The following ERBB4 variants were observed in gnomAD, a reference collection of about 807,000 sequenced individuals.
The protein encoded by ERBB4 is receptor tyrosine-protein kinase erbB-4.
Under a neutral mutation model 158.0 loss-of-function variants are expected in ERBB4, and 42 were observed. The ratio of observed to expected loss-of-function variants is 0.27; its 90% CI spans 0.21 to 0.34. ERBB4 has a LOEUF of 0.34. Among genes scored for constraint, ERBB4 ranks in the 10% least tolerant of loss-of-function variants. The pLI is 1.00. For synonymous variants in ERBB4, 583 were observed against 558.7 expected, an observed-to-expected ratio of 1.04 and a Z score of -0.61; for missense variants, 1,333 against 1,624.1, an observed-to-expected ratio of 0.82 and a Z score of 3.08.
chr2:211,414,136 G>A (rs983135061), intron 25 of ERBB4, among the ~76,000 whole-genome samples: 6 of 152,096 alleles, frequency 3.9e-5, no homozygotes, highest in African/African-American at 1.4e-4. Flanking sequence ...GCCTTTGTCT[G>A]CCTCCTACCT....
intron 1 of ERBB4, among the ~76,000 whole-genome samples, chr2:212,143,034 A>G (rs1216893683): frequency 1.3e-5 from 2 of 152,122 alleles, no homozygotes; most frequent in East Asian, 3.8e-4. Flanking sequence ...TGTCATATGT[A>G]TACAGAAGCT....
At chr2:212,398,752 G>T (rs1013881735) in intron 1 of ERBB4, among the ~76,000 whole-genome samples, 8 of 151,958 alleles carry the variant, frequency 5.3e-5, no homozygotes, top group African/African-American at 1.9e-4. Flanking sequence ...AATAATTCAT[G>T]AAAGCATTTA....
At chr2:211,741,793 T>C (rs1176166664) in intron 5 of ERBB4, among the ~76,000 whole-genome samples, 4 of 152,184 alleles carry the variant, frequency 2.6e-5, no homozygotes, top group South Asian at 2.1e-4. Context: ...ACATCTCCTG[T>C]AGTTAAAATG....
intron 1 of ERBB4, among the ~76,000 whole-genome samples, chr2:212,230,075 A>T (rs1176560510): frequency 6.6e-6 from 1 of 152,220 alleles, no homozygotes; most frequent in Non-Finnish European, 1.5e-5. Context: ...ACCTGAGGCC[A>T]GGAGTTCAAG....
intron 2 of ERBB4, among the ~76,000 whole-genome samples, chr2:211,988,697 T>C (rs2081997941): frequency 1.3e-5 from 2 of 152,054 alleles, no homozygotes; most frequent in Admixed American, 1.3e-4. Flanking sequence ...CAAAAGACTA[T>C]GCTCTTCTCT....
chr2:212,362,858 T>G (rs2089741827), intron 1 of ERBB4, among the ~76,000 whole-genome samples: 1 of 151,476 alleles, frequency 6.6e-6, no homozygotes, highest in East Asian at 1.9e-4. Flanking sequence ...GTTTTAATTA[T>G]AAAACAATTG....
intron 5 of ERBB4, among the ~76,000 whole-genome samples, chr2:211,732,414 C>T (rs547561277): frequency 6.6e-6 from 1 of 151,990 alleles, no homozygotes; most frequent in Admixed American, 6.6e-5. Flanking sequence ...ATCTGGGCTT[C>T]TAAATGACCA....
chr2:212,027,600 A>G, intron 2 of ERBB4, among the ~76,000 whole-genome samples: 1 of 152,088 alleles, frequency 6.6e-6, no homozygotes, highest in East Asian at 1.9e-4. Flanking sequence ...TGATATCTTT[A>G]TTCTTACTCC....
chr2:211,878,626 T>C (rs906913031), intron 3 of ERBB4, among the ~76,000 whole-genome samples: 2 of 147,124 alleles, frequency 1.4e-5, no homozygotes, highest in African/African-American at 5.0e-5. Flanking sequence ...TTATCCACTT[T>C]AGGAAAAAAA....
chr2:211,722,561 T>G lies in ERBB4; in HGVS notation c.742-27A>C, dbSNP rs369356760. ...TGCAACACAGCAAATATTACTTTCATTTACAAATAAACTCATAATACTTGT... is the reference window on the plus strand; with the variant it reads ...TGCAACACAGCAAATATTACTTTCAGTTACAAATAAACTCATAATACTTGT... On this transcript the variant is annotated intron_variant, in intron 6 of 27. Coordinates refer to ENST00000342788, the MANE Select transcript of ERBB4 (RefSeq NM_005235.3). The G allele has an allele frequency of 3.7e-5, 59 of 1,611,956 alleles. No individual in the cohort carries two copies. In the African/African-American group the frequency reaches 7.5e-4, roughly 20 times the overall value.
chr2:212,204,896 A>G (rs12992382), intron 1 of ERBB4, among the ~76,000 whole-genome samples: 79,726 of 144,450 alleles, frequency 0.55, 23,407 homozygotes, highest in African/African-American at 0.75. Context: ...TCGGCTCACC[A>G]CAACCTCTGC....
At chr2:212,058,101 A>C (rs1447707101) in intron 2 of ERBB4, among the ~76,000 whole-genome samples, 6 of 152,310 alleles carry the variant, frequency 3.9e-5, no homozygotes, top group South Asian at 2.1e-4. Flanking sequence ...AAAATGATAA[A>C]GGGGATATCA....
intron 2 of ERBB4, among the ~76,000 whole-genome samples, chr2:212,091,450 G>T (rs572473655): frequency 3.9e-5 from 6 of 152,114 alleles, no homozygotes; most frequent in African/African-American, 4.8e-5. Flanking sequence ...CAATTTCCAT[G>T]CAACTAGAAG....
chr2:211,411,384 G>A (rs1037395056), intron 25 of ERBB4, among the ~76,000 whole-genome samples: 5 of 152,126 alleles, frequency 3.3e-5, no homozygotes, highest in Non-Finnish European at 7.3e-5. Context: ...AAAATCAGAG[G>A]GGTCAGAACC....
At chr2:212,261,142 T>C (rs113625022) in intron 1 of ERBB4, among the ~76,000 whole-genome samples, 16 of 152,330 alleles carry the variant, frequency 1.1e-4, no homozygotes, top group African/African-American at 3.8e-4. Flanking sequence ...AAAGTCTTTC[T>C]GCATGTAAAA....
intron 19 of ERBB4, among the ~76,000 whole-genome samples, chr2:211,572,845 A>C (rs533990961): frequency 6.6e-6 from 1 of 152,296 alleles, no homozygotes; most frequent in African/African-American, 2.4e-5. Flanking sequence ...GTTACCTGTA[A>C]AATCACAGAT....
At chr2:212,298,601 A>C (rs915033697) in intron 1 of ERBB4, among the ~76,000 whole-genome samples, 1 of 151,638 alleles carries the variant, frequency 6.6e-6, no homozygotes, top group African/African-American at 2.4e-5. Context: ...TACCTGAGGA[A>C]CTCACTACCT....
intron 1 of ERBB4, among the ~76,000 whole-genome samples, chr2:212,536,189 AG>A (rs1255999675): frequency 6.6e-6 from 1 of 152,134 alleles, no homozygotes; most frequent in Non-Finnish European, 1.5e-5. Context: ...GGGAACACAC[AG>A]CCACACACAT....
At chr2:211,769,090 C>G (rs967423205) in intron 4 of ERBB4, among the ~76,000 whole-genome samples, 3 of 152,150 alleles carry the variant, frequency 2.0e-5, no homozygotes. Flanking sequence ...TTTCTTCTGC[C>G]AGATACCCTA....
Sources: gnomAD v4.1 joint callset for allele counts (sites outside exome capture counted in the v4.1 genomes callset) on GRCh38, gnomAD v4.1.1 for gene constraint, MANE v1.5 for transcripts, NCBI Gene and HGNC (gene_info 2026-07-23, HGNC 2026-07-21) for gene names.